GRK5: variants seen among roughly 807,000 people sequenced by gnomAD.
GRK5 encodes g protein-coupled receptor kinase GRK5.
A neutral mutation model predicts 78.4 loss-of-function variants in GRK5; 40 were observed. The ratio of observed to expected loss-of-function variants is 0.51; its 90% CI spans 0.40 to 0.66. The LOEUF (loss-of-function observed/expected upper bound fraction) is 0.66, where lower values mean the gene tolerates loss of function less well. Ranked by LOEUF, GRK5 falls within the 30% of genes least tolerant of loss-of-function variation. GRK5 has a pLI of 0.00. For missense variants in GRK5, 598 were observed against 759.9 expected (o/e 0.79, Z 2.50); for synonymous variants, 289 against 296.8 (o/e 0.97, Z 0.27).
At chr10:119,274,447 G>C (rs1250619878) in intron 1 of GRK5, among the ~76,000 whole-genome samples, 1 of 152,170 alleles carries the variant, frequency 6.6e-6, no homozygotes, top group East Asian at 1.9e-4. Context: ...GCTTCTGTAG[G>C]GCACTTACCT....
chr10:119,236,430 G>T (rs1322122631), intron 1 of GRK5, among the ~76,000 whole-genome samples: 1 of 152,098 alleles, frequency 6.6e-6, no homozygotes, highest in Non-Finnish European at 1.5e-5. Context: ...TAGCCAGGAT[G>T]GTCTCGATCT....
rs941734040 is a variant in GRK5, at chr10:119,246,019, CAAAAAAAAAAAAAAAA to C, written c.52+38061_52+38076del. Among the ~76,000 whole-genome samples the C allele has an allele frequency of 5.0e-4, 7 of 14,044 alleles. No homozygotes were observed. The South Asian group carries it at 0.019, about 38-fold the overall frequency. The allele number at this position is 14,044 out of a possible 152,430, so 9.2% of individuals were successfully genotyped here. On this transcript the variant is annotated intron_variant, in intron 1 of 15. Coordinates refer to ENST00000392870, the MANE Select transcript of GRK5 (RefSeq NM_005308.3). ...TGGGTGACAGAGCGAGACTCCATCT[CAAAAAAAAAAAAAAAA>C]AAAAAAAAAAGAAAAAAAGATAAAT...
Position 119,452,594 on chromosome 10 carries a change from A to G in GRK5, c.1405-77A>G, listed in dbSNP as rs1168294399. On this transcript the variant is annotated intron_variant, in intron 13 of 15. Coordinates refer to ENST00000392870, the MANE Select transcript of GRK5 (RefSeq NM_005308.3). This position sits in a 1 kb window ranked among gnomAD's most constrained non-coding sequence, Gnocchi z 4.4. ...CTGGGAAGACTCCCTTCTGCTCCCC[A>G]AAACCCCAAGGCCTGGCTCGGGGCC... The G allele has an allele frequency of 5.1e-6, 8 of 1,574,334 alleles. No individual in the cohort carries two copies. The highest frequency in any genetic ancestry group is 6.9e-6 in the Non-Finnish European group (8 of 1,153,632).
intron 4 of GRK5, among the ~76,000 whole-genome samples, chr10:119,418,487 A>T (rs1198075943): frequency 7.2e-5 from 11 of 152,160 alleles, no homozygotes; most frequent in Admixed American, 5.9e-4. Context: ...CTGTGTCCCC[A>T]GGGCGTATCT....
chr10:119,230,545 C>T (rs1328665458), intron 1 of GRK5, among the ~76,000 whole-genome samples: 1 of 152,118 alleles, frequency 6.6e-6, no homozygotes, highest in African/African-American at 2.4e-5. Flanking sequence ...GACTTACTCA[C>T]TGTCTCAAGA....
chr10:119,207,851 A>G lies in GRK5; in HGVS notation c.-67A>G, dbSNP rs1013904505. 5.5e-6 allele frequency: 8 copies of G among 1,452,582 alleles called. No homozygotes were observed. In the African/African-American group the frequency reaches 1.0e-4, roughly 19 times the overall value. 90.0% of individuals were successfully genotyped at this position (1,452,582 alleles called of 1,614,324 possible). On this transcript the variant is annotated 5_prime_UTR_variant, in exon 1 of 16. Coordinates refer to ENST00000392870, the MANE Select transcript of GRK5 (RefSeq NM_005308.3). ...CGGCGGCAGCCCGAGCAGCGGCAGC[A>G]GCAGCGGCAGCACCCCAGGCGCTGA... is the stretch of plus-strand genomic sequence containing the variant.
chr10:119,418,603 G>A (rs971907270), intron 4 of GRK5, among the ~76,000 whole-genome samples: 3 of 152,230 alleles, frequency 2.0e-5, no homozygotes, highest in Admixed American at 6.5e-5. Context: ...GCCAGGCTGA[G>A]GCTGACCACT....
chr10:119,257,010 T>G (rs1417431926), intron 1 of GRK5, among the ~76,000 whole-genome samples: 1 of 152,234 alleles, frequency 6.6e-6, no homozygotes, highest in Non-Finnish European at 1.5e-5. Context: ...CTGGTTAATT[T>G]CACGTAGCAT....
In GRK5 at chr10:119,452,113, T is replaced by C. The variant is rs2133920119; in HGVS notation, c.1405-558T>C. Among the ~76,000 whole-genome samples the C allele has an allele frequency of 6.6e-6, 1 of 152,286 alleles. No individual in the cohort carries two copies. The highest frequency in any genetic ancestry group is 6.5e-5 in the Admixed American group (1 of 15,310). On this transcript the variant is annotated intron_variant, in intron 13 of 15. Coordinates refer to ENST00000392870, the MANE Select transcript of GRK5 (RefSeq NM_005308.3). This position sits in a 1 kb window ranked among gnomAD's most constrained non-coding sequence, Gnocchi z 4.4. ...AGTAAGGCAAAAGATATGCCTACCATAATAATACCAGCTCCCAGTTACGGG... is the reference window on the plus strand; with the variant it reads ...AGTAAGGCAAAAGATATGCCTACCACAATAATACCAGCTCCCAGTTACGGG...
intron 1 of GRK5, among the ~76,000 whole-genome samples, chr10:119,258,470 G>A (rs1202430925): frequency 6.6e-6 from 1 of 152,184 alleles, no homozygotes; most frequent in African/African-American, 2.4e-5. Context: ...GGGTCACATG[G>A]TAGGTGTATG....
chr10:119,396,046 T>G (rs1472246322), intron 3 of GRK5, among the ~76,000 whole-genome samples: 1 of 152,222 alleles, frequency 6.6e-6, no homozygotes, highest in East Asian at 1.9e-4. Flanking sequence ...GCATCCACAT[T>G]ATTGTTTATC....
intron 4 of GRK5, among the ~76,000 whole-genome samples, chr10:119,400,678 G>T (rs1353345845): frequency 6.6e-6 from 1 of 152,196 alleles, no homozygotes; most frequent in Non-Finnish European, 1.5e-5. Context: ...GGTGGCAGCA[G>T]TGTGGAGTTG....
At chr10:119,259,658 G>A (rs78704338) in intron 1 of GRK5, among the ~76,000 whole-genome samples, 3,910 of 152,260 alleles carry the variant, frequency 0.026, 75 homozygotes, top group Non-Finnish European at 0.041. Flanking sequence ...TCAGAGCAGC[G>A]CTGTCCAATG....
chr10:119,440,738 A>G (rs1398403187), intron 10 of GRK5, among the ~76,000 whole-genome samples: 2 of 151,992 alleles, frequency 1.3e-5, no homozygotes, highest in Non-Finnish European at 2.9e-5. Flanking sequence ...TTTGGTAGAA[A>G]TGGGGTTTTG....
chr10:119,226,790 G>T (rs1848748848), intron 1 of GRK5, among the ~76,000 whole-genome samples: 2 of 151,214 alleles, frequency 1.3e-5, no homozygotes, highest in Admixed American at 1.3e-4. Context: ...TCAAACTCCT[G>T]ACCTCAAATG....
At chr10:119,250,881 C>T (rs964451539) in intron 1 of GRK5, among the ~76,000 whole-genome samples, 6 of 152,168 alleles carry the variant, frequency 3.9e-5, no homozygotes, top group African/African-American at 1.4e-4. Flanking sequence ...ATGCAGTTCT[C>T]ATAGATAACC....
chr10:119,303,093 G>C (rs749652050), intron 1 of GRK5, among the ~76,000 whole-genome samples: 1 of 152,218 alleles, frequency 6.6e-6, no homozygotes, highest in Non-Finnish European at 1.5e-5. Flanking sequence ...AGGTGCACTC[G>C]TGGAGGGTGA....
intron 1 of GRK5, among the ~76,000 whole-genome samples, chr10:119,282,077 C>G (rs1282775564): frequency 1.3e-5 from 2 of 152,106 alleles, no homozygotes; most frequent in East Asian, 3.9e-4. Flanking sequence ...GTGTGATCTC[C>G]CCATGCCAGT....
chr10:119,292,211 C>CCTT (rs1849992696), intron 1 of GRK5, among the ~76,000 whole-genome samples: 1 of 142,656 alleles, frequency 7.0e-6, no homozygotes, highest in Admixed American at 7.2e-5. Flanking sequence ...TCCTATTCCT[C>CCTT]CTCCTCCTCT....
Sources: gnomAD v4.1 joint callset for allele counts (sites outside exome capture counted in the v4.1 genomes callset) on GRCh38, gnomAD v4.1.1 for gene constraint, Gnocchi (gnomAD v3.1) non-coding constraint, MANE v1.5 for transcripts, NCBI Gene and HGNC (gene_info 2026-07-23, HGNC 2026-07-21) for gene names.